PRKN: variants seen among roughly 807,000 people sequenced by gnomAD.
The protein encoded by PRKN is E3 ubiquitin-protein ligase parkin.
A neutral mutation model predicts 59.5 loss-of-function variants in PRKN; 56 were observed. The ratio of observed to expected loss-of-function variants is 0.94; its 90% confidence interval spans 0.76 to 1.18. The LOEUF is 1.18. PRKN is among the 50% of genes most tolerant of loss of function. PRKN has a pLI of 0.00. For missense variants in PRKN, 657 were observed against 596.4 expected, an observed-to-expected ratio of 1.10 and a Z score of -1.06; for synonymous variants, 250 against 222.1, an observed-to-expected ratio of 1.13 and a Z score of -1.12.
At chr6:161,987,495 A>G (rs1437317774) in intron 5 of PRKN, among the ~76,000 whole-genome samples, 1 of 152,234 alleles carries the variant, frequency 6.6e-6, no homozygotes. Context: ...AACATGGTGT[A>G]GTATTTGCAT....
intron 1 of PRKN, among the ~76,000 whole-genome samples, chr6:162,633,820 G>T (rs1000822979): frequency 9.2e-5 from 14 of 152,170 alleles, no homozygotes; most frequent in Non-Finnish European, 7.4e-5. Flanking sequence ...TGTGTAGCTA[G>T]ATGAGCTAAA....
chr6:162,279,925 A>T (rs1468933811), intron 2 of PRKN, among the ~76,000 whole-genome samples: 1 of 152,116 alleles, frequency 6.6e-6, no homozygotes, highest in African/African-American at 2.4e-5. Context: ...ACCATTATGT[A>T]ATGCCTTTCT....
chr6:161,957,046 C>T (rs2128247423), intron 6 of PRKN, among the ~76,000 whole-genome samples: 1 of 152,304 alleles, frequency 6.6e-6, no homozygotes, highest in East Asian at 1.9e-4. Context: ...GACCAGCCAT[C>T]ATCACTCAAG....
chr6:161,475,227 C>T lies in PRKN; in HGVS notation c.1083+73627G>A, dbSNP rs1249493496. Among the ~76,000 whole-genome samples, 1 of 152,198 alleles carries T rather than the reference C, an allele frequency of 6.6e-6. No homozygotes were observed. Among genetic ancestry groups the T allele is most frequent in the African/African-American group, 2.4e-5 (1 of 41,458 alleles). ...ACTTATAGTAGATTGCATGTGATCG[C>T]TGCTGTCCTATCAACTGGTGTGATG... On this transcript the variant is annotated intron_variant, in intron 9 of 11. Coordinates refer to ENST00000366898, the MANE Select transcript of PRKN (RefSeq NM_004562.3). This position sits in a 1 kb window ranked among gnomAD's most constrained non-coding sequence, Gnocchi z 5.3.
intron 1 of PRKN, among the ~76,000 whole-genome samples, chr6:162,457,744 G>A (rs1790948061): frequency 6.8e-6 from 1 of 146,136 alleles, no homozygotes; most frequent in Admixed American, 6.9e-5. Flanking sequence ...TAATGATGAA[G>A]TATTTTTTTA....
intron 6 of PRKN, among the ~76,000 whole-genome samples, chr6:161,908,266 G>A (rs1043787879): frequency 2.6e-5 from 4 of 152,160 alleles, no homozygotes. Context: ...GTACATGGAC[G>A]ATACCTAGAG....
chr6:162,082,746 C>T lies in PRKN; in HGVS notation c.535-28572G>A, dbSNP rs1453315109. Reference sequence around the variant, plus strand: ...TAGAGCCCATCATAGGACTAATTGGCCCAATTTTCATGTTATGTTGTCTGA... The same window carrying T: ...TAGAGCCCATCATAGGACTAATTGGTCCAATTTTCATGTTATGTTGTCTGA... On this transcript the variant is annotated intron_variant, in intron 4 of 11. Transcript: ENST00000366898. Among the ~76,000 whole-genome samples the T allele has an allele frequency of 2.6e-5, 4 of 151,912 alleles. No individual in the cohort carries two copies. The South Asian group carries it at 8.3e-4, about 32-fold the overall frequency.
chr6:161,625,601 A>T (rs768753134), intron 7 of PRKN, among the ~76,000 whole-genome samples: 1 of 152,226 alleles, frequency 6.6e-6, no homozygotes, highest in African/African-American at 2.4e-5. Context: ...ATGATTTCTC[A>T]ATTATTTCTT....
At chr6:162,030,105 G>A (rs375258347) in intron 5 of PRKN, among the ~76,000 whole-genome samples, 32 of 152,172 alleles carry the variant, frequency 2.1e-4, no homozygotes, top group Admixed American at 2.6e-4. Context: ...CTCTGAAAGT[G>A]CTGAGATTAC....
At chr6:162,476,267 T>G (rs904689097) in intron 1 of PRKN, among the ~76,000 whole-genome samples, 1 of 151,354 alleles carries the variant, frequency 6.6e-6, no homozygotes, top group African/African-American at 2.4e-5. Flanking sequence ...ATACGGGGTT[T>G]CTCCATGTTG....
intron 2 of PRKN, among the ~76,000 whole-genome samples, chr6:162,297,173 TC>T (rs1781716635): frequency 1.6e-5 from 2 of 128,112 alleles, no homozygotes; most frequent in African/African-American, 3.1e-5. Context: ...ATTTTTCTTT[TC>T]TTTTTTTTTT....
At chr6:162,259,525 A>T (rs897035949) in intron 3 of PRKN, among the ~76,000 whole-genome samples, 1 of 152,250 alleles carries the variant, frequency 6.6e-6, no homozygotes, top group Non-Finnish European at 1.5e-5. Context: ...GAGTCTGTGA[A>T]TCTCTGCTCT....
At chr6:162,595,719 T>C (rs962282318) in intron 1 of PRKN, among the ~76,000 whole-genome samples, 2 of 152,182 alleles carry the variant, frequency 1.3e-5, no homozygotes, top group African/African-American at 4.8e-5. Flanking sequence ...TTTCCAAAGA[T>C]AAAAAGTAAA....
rs1446032844 is a variant in PRKN, at chr6:161,459,748, G to C, written c.1084-72871C>G. The stretch of plus-strand genomic sequence containing the variant: ...GCTAACTGGTGCCACCATAACATTT[G>C]CTATAATTATAACAGTTCAGTTATT... On this transcript the variant is annotated intron_variant, in intron 9 of 11. Coordinates refer to ENST00000366898, the MANE Select transcript of PRKN (RefSeq NM_004562.3). The surrounding 1 kb of genome is among the most constrained non-coding windows in gnomAD (Gnocchi z 4.8). Among the ~76,000 whole-genome samples the C allele has an allele frequency of 1.3e-5, 2 of 152,148 alleles. No homozygotes were observed. Among genetic ancestry groups the C allele is most frequent in the Non-Finnish European group, 2.9e-5 (2 of 68,038 alleles).
At chr6:162,528,067 G>A in intron 1 of PRKN, among the ~76,000 whole-genome samples, 1 of 107,980 alleles carries the variant, frequency 9.3e-6, no homozygotes, top group South Asian at 3.5e-4. Flanking sequence ...TCGGGGGAGG[G>A]CGGGGGGGCG....
intron 7 of PRKN, among the ~76,000 whole-genome samples, chr6:161,606,089 A>G (rs1389778075): frequency 1.3e-5 from 2 of 152,196 alleles, no homozygotes; most frequent in East Asian, 3.9e-4. Context: ...TTTCATGGAC[A>G]GAGACTGTTT....
intron 6 of PRKN, among the ~76,000 whole-genome samples, chr6:161,957,419 TGTTTGTTTGTTTG>T (rs1562418204): frequency 8.8e-5 from 12 of 136,770 alleles, no homozygotes; most frequent in African/African-American, 3.4e-4. Context: ...GTTTTTTTTT[TGTTTGTTTGTTTG>T]TTTGTTTTTT....
intron 2 of PRKN, among the ~76,000 whole-genome samples, chr6:162,433,575 T>C (rs879348307): frequency 7.0e-6 from 1 of 142,342 alleles, no homozygotes; most frequent in African/African-American, 2.7e-5. Context: ...AAAATGAGAA[T>C]TGACTCCAAG....
At position 162,489,407 on chromosome 6, in the gene PRKN, T is replaced by C. The variant is rs184342194; in HGVS notation, c.8-45934A>G. 3.1e-3 allele frequency among the ~76,000 whole-genome samples: 465 copies of C among 152,290 alleles called. 1 individual carries two copies. The highest frequency in any genetic ancestry group is 0.01 in the African/African-American group (432 of 41,562). On this transcript the variant is annotated intron_variant, in intron 1 of 11. Transcript: ENST00000366898. ...TTAGAAAGGGATTCAGTACAGAATA[T>C]TAAAACTCTGTATTTTTCAACTGCC...
Sources: allele counts gnomAD v4.1 joint callset (sites outside exome capture counted in the v4.1 genomes callset), GRCh38; gene constraint gnomAD v4.1.1; non-coding constraint Gnocchi (gnomAD v3.1); transcripts MANE v1.5; gene names NCBI Gene and HGNC (gene_info 2026-07-23, HGNC 2026-07-21).